TCF12: variants seen among roughly 807,000 people sequenced by gnomAD.
TCF12 encodes the protein DNA-binding protein HTF4.
In TCF12, 45 loss-of-function variants were observed where a neutral mutation model predicts 86.0. The ratio of observed to expected loss-of-function variants is 0.52; its 90% CI spans 0.41 to 0.67. The LOEUF (loss-of-function observed/expected upper bound fraction) is 0.67. Among genes scored for constraint, TCF12 ranks in the 30% least tolerant of loss-of-function variants. The probability of loss-of-function intolerance (pLI) is 0.00; values close to 1 mark genes in which losing one functional copy is unlikely to be tolerated. For missense variants in TCF12, 881 were observed against 859.9 expected (o/e 1.02, Z -0.31); for synonymous variants, 330 against 299.6 (o/e 1.10, Z -1.05).
At chr15:57,050,252 G>A (rs2067519674) in intron 3 of TCF12, among the ~76,000 whole-genome samples, 1 of 151,842 alleles carries the variant, frequency 6.6e-6, no homozygotes, top group South Asian at 2.1e-4. Flanking sequence ...CCATCTGTAT[G>A]CTTTCTTTTT....
chr15:57,266,564 A>G (rs931432306), intron 18 of TCF12, among the ~76,000 whole-genome samples: 4 of 152,254 alleles, frequency 2.6e-5, no homozygotes, highest in African/African-American at 9.6e-5. Context: ...AAACAATTAA[A>G]TAGTAATTTG....
intron 12 of TCF12, among the ~76,000 whole-genome samples, chr15:57,236,582 G>A (rs1166376898): frequency 1.3e-5 from 2 of 152,084 alleles, no homozygotes; most frequent in African/African-American, 2.4e-5. Context: ...TCTAATATAT[G>A]TCTTAAAAGA....
chr15:57,052,493 CG>C (rs2067702162), intron 3 of TCF12, among the ~76,000 whole-genome samples: 1 of 151,800 alleles, frequency 6.6e-6, no homozygotes, highest in Non-Finnish European at 1.5e-5. Context: ...AAAAATTACC[CG>C]GGCCTGGTAG....
At position 57,132,305 on chromosome 15, in the gene TCF12, C is replaced by G. The variant is rs566015474; in HGVS notation, c.326-34097C>G. ...CTGTAGAATATGTAATCACTATTAG[C>G]CTTTTGTGCAAAGTGTAGTATTTAT... is the stretch of plus-strand genomic sequence containing the variant. On this transcript the variant is annotated intron_variant, in intron 5 of 20. Coordinates refer to ENST00000333725, the MANE Select transcript of TCF12 (RefSeq NM_207037.2). Among the ~76,000 whole-genome samples the G allele has an allele frequency of 4.6e-5, 7 of 152,196 alleles. No homozygotes were observed. The East Asian group carries it at 1.4e-3, about 29-fold the overall frequency.
intron 5 of TCF12, among the ~76,000 whole-genome samples, chr15:57,138,560 G>A (rs1309179430): frequency 6.6e-6 from 1 of 151,974 alleles, no homozygotes; most frequent in Non-Finnish European, 1.5e-5. Context: ...AAGGAAAAGT[G>A]TAAAGCTTAG....
intron 4 of TCF12, among the ~76,000 whole-genome samples, chr15:57,068,937 A>G (rs1441746551): frequency 6.6e-6 from 1 of 152,170 alleles, no homozygotes; most frequent in East Asian, 1.9e-4. Context: ...AACTGCTATT[A>G]TATTGTTATT....
At chr15:57,273,286 A>G in intron 19 of TCF12, 24 bp downstream of exon 19, 4 of 1,607,488 alleles carry the variant, frequency 2.5e-6, no homozygotes, top group African/African-American at 1.3e-5. Context: ...GCCGAGATGT[A>G]TAACTGTTCT....
intron 5 of TCF12, among the ~76,000 whole-genome samples, chr15:57,111,853 G>C (rs750689880): frequency 4.6e-5 from 7 of 151,974 alleles, no homozygotes; most frequent in African/African-American, 1.4e-4. Context: ...TCAGCCTTTC[G>C]GAGTGCTAGG....
chr15:57,087,547 G>T (rs1196013049), intron 4 of TCF12, among the ~76,000 whole-genome samples: 3 of 151,930 alleles, frequency 2.0e-5, no homozygotes, highest in African/African-American at 7.2e-5. Context: ...CCTGCATCAG[G>T]AAATGAACAT....
intron 6 of TCF12, among the ~76,000 whole-genome samples, chr15:57,182,460 ATTTC>A (rs1257995079): frequency 3.3e-5 from 5 of 152,148 alleles, no homozygotes; most frequent in African/African-American, 7.2e-5. Flanking sequence ...AACTTTTTGT[ATTTC>A]TTAAGAGTAC....
chr15:57,122,787 A>T (rs1455955296), intron 5 of TCF12, among the ~76,000 whole-genome samples: 1 of 152,212 alleles, frequency 6.6e-6, no homozygotes, highest in African/African-American at 2.4e-5. Context: ...TATTCACTAG[A>T]TCTCTTACAA....
At chr15:57,235,371 C>G (rs965742864) in intron 12 of TCF12, among the ~76,000 whole-genome samples, 26 of 152,224 alleles carry the variant, frequency 1.7e-4, no homozygotes, top group African/African-American at 6.0e-4. Context: ...AACTTGAGCT[C>G]AGAAAGATTA....
chr15:57,098,805 A>G (rs1324407993), intron 5 of TCF12, among the ~76,000 whole-genome samples: 1 of 152,246 alleles, frequency 6.6e-6, no homozygotes, highest in Non-Finnish European at 1.5e-5. Context: ...TAAGAAGGCT[A>G]GGAATAGATT....
At chr15:57,238,829 A>G (rs969728746) in intron 12 of TCF12, among the ~76,000 whole-genome samples, 1 of 152,200 alleles carries the variant, frequency 6.6e-6, no homozygotes, top group East Asian at 1.9e-4. Context: ...TATACAAATA[A>G]TGATAATGTA....
chr15:57,261,439 A>G (rs2060580192), intron 16 of TCF12, among the ~76,000 whole-genome samples: 1 of 152,152 alleles, frequency 6.6e-6, no homozygotes, highest in African/African-American at 2.4e-5. Flanking sequence ...GTCATGGAAG[A>G]TAAAAGCTAT....
rs116288978 is a variant in TCF12, at chr15:57,004,055, T to C, written c.149-59695T>C. Among the ~76,000 whole-genome samples, 932 of 152,306 alleles carry C rather than the reference T, an allele frequency of 6.1e-3. 9 individuals carry two copies. The highest frequency in any genetic ancestry group is 0.021 in the African/African-American group (885 of 41,562). On this transcript the variant is annotated intron_variant, in intron 3 of 20. Transcript: ENST00000333725. ...AAGAAAATTGGTTTTTGTTTTTTTTTCCTCAGTGATGTAATTTCTATAAAG... is the reference window on the plus strand; with the variant it reads ...AAGAAAATTGGTTTTTGTTTTTTTTCCCTCAGTGATGTAATTTCTATAAAG...
chr15:57,064,801 A>G (rs2068731896), intron 4 of TCF12, among the ~76,000 whole-genome samples: 1 of 141,864 alleles, frequency 7.0e-6, no homozygotes, highest in Non-Finnish European at 1.6e-5. Context: ...ATCTCAAAAA[A>G]AAAAAAAAAA....
intron 3 of TCF12, among the ~76,000 whole-genome samples, chr15:56,941,628 GC>G (rs1392704116): frequency 1.3e-5 from 2 of 151,490 alleles, no homozygotes; most frequent in African/African-American, 4.8e-5. Flanking sequence ...GCCTTCCTCG[GC>G]CTCCCAAAGT....
intron 4 of TCF12, among the ~76,000 whole-genome samples, chr15:57,077,180 T>G (rs1416578213): frequency 6.6e-6 from 1 of 152,134 alleles, no homozygotes; most frequent in African/African-American, 2.4e-5. Context: ...TATGTCAGTT[T>G]CTACGAAGCT....
Sources: gnomAD v4.1 joint callset for allele counts (sites outside exome capture counted in the v4.1 genomes callset) on GRCh38, gnomAD v4.1.1 for gene constraint, MANE v1.5 for transcripts, NCBI Gene and HGNC (gene_info 2026-07-23, HGNC 2026-07-21) for gene names.